Variants in NALF1 observed in about 807,000 individuals in gnomAD.
NALF1 encodes NALCN channel auxiliary factor 1.
In NALF1, 3 loss-of-function variants were observed where a neutral mutation model predicts 48.4. The ratio of observed to expected loss-of-function variants is 0.06; its 90% confidence interval spans 0.03 to 0.16. The LOEUF is 0.16. Among genes scored for constraint, NALF1 ranks in the 10% least tolerant of loss-of-function variants. NALF1 has a pLI of 1.00. For synonymous variants in NALF1, 262 were observed against 245.7 expected, an observed-to-expected ratio of 1.07 and a Z score of -0.62; for missense variants, 526 against 571.5, an observed-to-expected ratio of 0.92 and a Z score of 0.81.
chr13:107,192,606 ATTT>A (rs892505543), intron 2 of NALF1, among the ~76,000 whole-genome samples: 20 of 152,244 alleles, frequency 1.3e-4, no homozygotes, highest in African/African-American at 4.8e-4. Flanking sequence ...TACTACTCTA[ATTT>A]ATTTAACTAA....
At chr13:107,274,036 ATTTT>A (rs58258933) in intron 1 of NALF1, among the ~76,000 whole-genome samples, 2 of 151,174 alleles carry the variant, frequency 1.3e-5, no homozygotes, top group Non-Finnish European at 2.9e-5. Context: ...ATCTGTTTTG[ATTTT>A]TTTTTTCTAA....
chr13:107,526,653 TA>T (rs1232436190), intron 1 of NALF1, among the ~76,000 whole-genome samples: 1 of 152,148 alleles, frequency 6.6e-6, no homozygotes, highest in Non-Finnish European at 1.5e-5. Context: ...GTTTTATCAA[TA>T]TAATTGATAT....
At chr13:107,254,669 T>C (rs530697537) in intron 1 of NALF1, among the ~76,000 whole-genome samples, 10 of 152,320 alleles carry the variant, frequency 6.6e-5, no homozygotes, top group African/African-American at 2.2e-4. Flanking sequence ...GAATGTGGTA[T>C]GACATAACCT....
At chr13:107,695,740 C>T (rs1185925424) in intron 1 of NALF1, among the ~76,000 whole-genome samples, 1 of 152,162 alleles carries the variant, frequency 6.6e-6, no homozygotes, top group African/African-American at 2.4e-5. Flanking sequence ...GCTCCTCTAA[C>T]ATATTCTTGT....
At chr13:107,732,196 T>C (rs1265416048) in intron 1 of NALF1, among the ~76,000 whole-genome samples, 5 of 152,082 alleles carry the variant, frequency 3.3e-5, no homozygotes, top group Non-Finnish European at 5.9e-5. Flanking sequence ...ATATATACTA[T>C]GTATAATATA....
intron 1 of NALF1, among the ~76,000 whole-genome samples, chr13:107,781,529 C>A (rs2138578451): frequency 6.6e-6 from 1 of 152,110 alleles, no homozygotes; most frequent in East Asian, 1.9e-4. Context: ...CCACATCTAT[C>A]CTTCCCTTAC....
At chr13:107,715,914 A>G (rs1875802594) in intron 1 of NALF1, among the ~76,000 whole-genome samples, 1 of 152,198 alleles carries the variant, frequency 6.6e-6, no homozygotes, top group African/African-American at 2.4e-5. Context: ...CCTTATAGTT[A>G]CATGTGTCAC....
intron 1 of NALF1, among the ~76,000 whole-genome samples, chr13:107,279,954 A>C (rs1881354767): frequency 6.6e-6 from 1 of 152,036 alleles, no homozygotes; most frequent in African/African-American, 2.4e-5. Context: ...ATAGCACCTA[A>C]GCTAGTTTGT....
chr13:107,523,976 AC>A (rs1876343275), intron 1 of NALF1, among the ~76,000 whole-genome samples: 1 of 152,152 alleles, frequency 6.6e-6, no homozygotes, highest in Admixed American at 6.6e-5. Flanking sequence ...ATATGGAGTT[AC>A]CTTTAATTTG....
chr13:107,494,468 G>A (rs553088775), intron 1 of NALF1, among the ~76,000 whole-genome samples: 1 of 152,112 alleles, frequency 6.6e-6, no homozygotes, highest in Non-Finnish European at 1.5e-5. Flanking sequence ...TTTTCATCTC[G>A]AGTAGATATG....
At position 107,643,936 on chromosome 13, in the gene NALF1, C is replaced by T. The variant is rs189958777; in HGVS notation, c.915+221746G>A. 2.7e-3 allele frequency among the ~76,000 whole-genome samples: 404 copies of T among 151,042 alleles called. 2 individuals carry two copies. The highest frequency in any genetic ancestry group is 9.4e-3 in the African/African-American group (386 of 41,176). On this transcript the variant is annotated intron_variant, in intron 1 of 2. Coordinates refer to ENST00000375915, the MANE Select transcript of NALF1 (RefSeq NM_001080396.3). ...GAAGTTGAGAGTCAGGAGACTGAAA[C>T]TCCTCCTGCCACTGAGTTTCAGATG...
At chr13:107,286,850 A>G (rs1881504918) in intron 1 of NALF1, among the ~76,000 whole-genome samples, 1 of 152,208 alleles carries the variant, frequency 6.6e-6, no homozygotes, top group African/African-American at 2.4e-5. Flanking sequence ...GGAAAGATAA[A>G]TCCATAGGGA....
chr13:107,439,090 T>C (rs1884514173), intron 1 of NALF1, among the ~76,000 whole-genome samples: 1 of 152,024 alleles, frequency 6.6e-6, no homozygotes, highest in Admixed American at 6.6e-5. Context: ...CAGATAGTTA[T>C]ACTTTTATAT....
chr13:107,321,794 A>G (rs1267838058), intron 1 of NALF1, among the ~76,000 whole-genome samples: 7 of 152,150 alleles, frequency 4.6e-5, no homozygotes, highest in Non-Finnish European at 7.4e-5. Flanking sequence ...CATCATTTTG[A>G]GATGCTGTAC....
rs1215374553 is a variant in NALF1 at position 107,704,375 on chromosome 13, TTC to T, written c.915+161305_915+161306del. Among the ~76,000 whole-genome samples, 6 of 152,232 alleles carry T rather than the reference TTC, an allele frequency of 3.9e-5. No homozygotes were observed. In the South Asian group the frequency reaches 8.3e-4, roughly 21 times the overall value. On this transcript the variant is annotated intron_variant, in intron 1 of 2. Coordinates refer to ENST00000375915, the MANE Select transcript of NALF1 (RefSeq NM_001080396.3). ...TTAGATCTAAGACTTCCTGATTATT[TTC>T]TCTCATTCACCAATCTTTTCTATAC...
At chr13:107,411,229 G>T (rs891002397) in intron 1 of NALF1, among the ~76,000 whole-genome samples, 9 of 151,844 alleles carry the variant, frequency 5.9e-5, no homozygotes, top group African/African-American at 2.2e-4. Context: ...GCAGTGCTCA[G>T]AATACATTTC....
At chr13:107,368,441 A>G (rs1385339536) in intron 1 of NALF1, among the ~76,000 whole-genome samples, 2 of 151,766 alleles carry the variant, frequency 1.3e-5, no homozygotes, top group African/African-American at 4.8e-5. Context: ...ACAGATGTGC[A>G]CCACCACACC....
chr13:107,762,493 G>T (rs1877291864), intron 1 of NALF1, among the ~76,000 whole-genome samples: 2 of 152,088 alleles, frequency 1.3e-5, no homozygotes, highest in Non-Finnish European at 2.9e-5. Flanking sequence ...GAGCACCCCA[G>T]GCAATGAGAA....
At chr13:107,862,999 ATTC>A (rs1051138566) in intron 1 of NALF1, among the ~76,000 whole-genome samples, 1 of 151,320 alleles carries the variant, frequency 6.6e-6, no homozygotes, top group African/African-American at 2.4e-5. Flanking sequence ...GATTTTATGT[ATTC>A]TTTTCTCTAC....
Sources: gnomAD v4.1 joint callset for allele counts (sites outside exome capture counted in the v4.1 genomes callset) on GRCh38, gnomAD v4.1.1 for gene constraint, MANE v1.5 for transcripts, NCBI Gene and HGNC (gene_info 2026-07-23, HGNC 2026-07-21) for gene names.